TNIK: variants seen among roughly 807,000 people sequenced by gnomAD.
TNIK encodes the protein TRAF2 and NCK interacting kinase, also known as TRAF2 and NCK-interacting protein kinase.
In TNIK, 49 loss-of-function variants were observed where a neutral mutation model predicts 191.3. The observed-to-expected ratio is 0.26, with a 90% CI of 0.20 to 0.32. TNIK has a LOEUF of 0.32. Ranked by LOEUF, TNIK falls within the 10% of genes least tolerant of loss-of-function variation. The pLI, the probability that TNIK is intolerant of heterozygous loss-of-function variation, is 1.00. For synonymous variants in TNIK, 594 were observed against 600.9 expected (o/e 0.99, Z 0.17); for missense variants, 1,155 against 1,702.3 (o/e 0.68, Z 5.66).
chr3:171,059,204 C>T lies in TNIK; in HGVS notation c.*4677G>A, dbSNP rs1208977739. 2.6e-5 allele frequency among the ~76,000 whole-genome samples: 4 copies of T among 152,152 alleles called. No homozygotes were observed. The highest frequency in any genetic ancestry group is 2.6e-4 in the Admixed American group (4 of 15,284). On this transcript the variant is annotated 3_prime_UTR_variant, in exon 33 of 33. Transcript: ENST00000436636. ...ACTCAAAAATCTGTAAACTTTAGGA[C>T]ATTTTTATTTTTAACTGTATTTTCT...
Position 171,110,895 on chromosome 3 carries a change from C to T in TNIK, c.2121-18G>A, listed in dbSNP as rs1322682214. ...CAGGGTTGCTGTGTGAGTGACAGAG[C>T]ACACTGGTTACACTCTCCAGACCTT... is the stretch of plus-strand genomic sequence containing the variant. On this transcript the variant is annotated intron_variant, in intron 18 of 32. Coordinates refer to ENST00000436636, the MANE Select transcript of TNIK (RefSeq NM_015028.4). The T allele has an allele frequency of 5.7e-6, 9 of 1,587,908 alleles. No homozygotes were observed. The highest frequency in any genetic ancestry group is 6.0e-6 in the Non-Finnish European group (7 of 1,167,538).
chr3:171,082,146 G>A (rs1720774965), intron 27 of TNIK, 105 bp downstream of exon 27: 5 of 1,439,938 alleles, frequency 3.5e-6, no homozygotes, highest in Non-Finnish European at 4.7e-6. Flanking sequence ...ACTTTATTGT[G>A]TTGTTTGTTA....
At chr3:171,160,386 C>T (rs1481783887) in intron 11 of TNIK, among the ~76,000 whole-genome samples, 1 of 151,966 alleles carries the variant, frequency 6.6e-6, no homozygotes, top group Admixed American at 6.6e-5. Context: ...CTTTTCTGGT[C>T]AGAAAGCTCT....
At chr3:171,145,177 C>T (rs1026494525) in intron 12 of TNIK, among the ~76,000 whole-genome samples, 2 of 151,682 alleles carry the variant, frequency 1.3e-5, no homozygotes, top group East Asian at 1.9e-4. Context: ...AGCTCCACCT[C>T]CCGGGTTCAC....
chr3:171,295,269 AGAG>A (rs965670949), intron 2 of TNIK, among the ~76,000 whole-genome samples: 56 of 152,334 alleles, frequency 3.7e-4, no homozygotes, highest in African/African-American at 1.2e-3. Flanking sequence ...TCTTCAAAGC[AGAG>A]GAGAAGAAGG....
At chr3:171,183,656 C>T (rs980463070) in intron 7 of TNIK, among the ~76,000 whole-genome samples, 1 of 152,144 alleles carries the variant, frequency 6.6e-6, no homozygotes, top group Admixed American at 6.5e-5. Flanking sequence ...GGTCCAGTGG[C>T]TCACGCTTGT....
At chr3:171,209,079 G>GTGTGTGTGTA (rs1311309965) in intron 4 of TNIK, among the ~76,000 whole-genome samples, 1 of 150,380 alleles carries the variant, frequency 6.6e-6, no homozygotes, top group East Asian at 1.9e-4. Flanking sequence ...GTGTGTGTGT[G>GTGTGTGTGTA]TGTGTGTGTG....
rs1249559053 is a variant in TNIK at position 171,079,339 on chromosome 3, T to C, written c.3448+179A>G. Among the ~76,000 whole-genome samples, 6 of 152,252 alleles carry C rather than the reference T, an allele frequency of 3.9e-5. No individual in the cohort carries two copies. In the East Asian group the frequency reaches 1.2e-3, roughly 29 times the overall value. On this transcript the variant is annotated intron_variant, in intron 28 of 32. Transcript: ENST00000436636. ...GCCTAGGACTTTATTCTGAATGCAC[T>C]CTTTCAATTTCATCAATCTGGCTTT...
chr3:171,130,465 C>T (rs1409101271), intron 15 of TNIK, among the ~76,000 whole-genome samples: 2 of 152,132 alleles, frequency 1.3e-5, no homozygotes, highest in Non-Finnish European at 2.9e-5. Flanking sequence ...GGAATATAAA[C>T]CAGAACATGT....
chr3:171,147,450 AG>A, intron 12 of TNIK, among the ~76,000 whole-genome samples: 1 of 152,188 alleles, frequency 6.6e-6, no homozygotes, highest in African/African-American at 2.4e-5. Flanking sequence ...ACGTTGCTAA[AG>A]TTTTAGTTTT....
intron 1 of TNIK, among the ~76,000 whole-genome samples, chr3:171,396,898 T>C (rs1036672138): frequency 6.6e-6 from 1 of 152,138 alleles, no homozygotes; most frequent in African/African-American, 2.4e-5. Context: ...AGATGGAATA[T>C]AAAAATGGAC....
intron 1 of TNIK, among the ~76,000 whole-genome samples, chr3:171,421,754 T>C (rs1318552876): frequency 8.2e-6 from 1 of 122,302 alleles, no homozygotes; most frequent in African/African-American, 3.6e-5. Flanking sequence ...TTTTTTGAGA[T>C]GAAGTCTGGC....
chr3:171,132,372 A>G (rs928142691), intron 15 of TNIK, among the ~76,000 whole-genome samples: 4 of 152,206 alleles, frequency 2.6e-5, no homozygotes, highest in African/African-American at 9.6e-5. Context: ...AAAATGCTAT[A>G]CTATTTACTA....
chr3:171,193,498 G>GT (rs1279430556), intron 5 of TNIK, among the ~76,000 whole-genome samples: 1 of 152,094 alleles, frequency 6.6e-6, no homozygotes, highest in Non-Finnish European at 1.5e-5. Context: ...ATATTTTGTA[G>GT]TTTTCAGGAT....
In TNIK at chr3:171,424,826, A is replaced by T. The variant is rs190127192; in HGVS notation, c.57+35181T>A. ...GGAAGGGGAACATCACACACTGGGG[A>T]CTGTTGTGGGGTGGGGGGAGGGGGG... is the stretch of plus-strand genomic sequence containing the variant. On this transcript the variant is annotated intron_variant, in intron 1 of 32. Transcript: ENST00000436636. Among the ~76,000 whole-genome samples the T allele has an allele frequency of 7.2e-5, 8 of 111,086 alleles. No homozygotes were observed. The East Asian group carries it at 2.2e-3, about 31-fold the overall frequency. The allele number at this position is 111,086 out of a possible 152,430, so 72.9% of individuals were successfully genotyped here. A position where few individuals can be genotyped will look rare whatever the true frequency, so the allele number is the denominator to read the frequency against.
chr3:171,428,052 T>A (rs1283866348), intron 1 of TNIK, among the ~76,000 whole-genome samples: 1 of 152,080 alleles, frequency 6.6e-6, no homozygotes, highest in East Asian at 1.9e-4. Flanking sequence ...CTGCAAGGAA[T>A]TCAATACTTA....
chr3:171,104,259 T>C (rs1724258028), intron 21 of TNIK, among the ~76,000 whole-genome samples: 1 of 152,106 alleles, frequency 6.6e-6, no homozygotes, highest in Non-Finnish European at 1.5e-5. Context: ...AAATTTATAA[T>C]AGCAAAGTTA....
intron 32 of TNIK, among the ~76,000 whole-genome samples, chr3:171,065,890 A>G (rs553058703): frequency 2.6e-5 from 4 of 152,334 alleles, no homozygotes; most frequent in African/African-American, 9.6e-5. Context: ...TGATGGGCCA[A>G]CTGCTCTAAG....
chr3:171,094,110 G>T, intron 22 of TNIK, 142 bp from the exon 23 acceptor site: 1 of 1,116,210 alleles, frequency 9.0e-7, no homozygotes, highest in Non-Finnish European at 1.2e-6. Context: ...AAGTGTACAT[G>T]TCAGTGGTCT....
Sources: gnomAD v4.1 joint callset for allele counts (sites outside exome capture counted in the v4.1 genomes callset) on GRCh38, gnomAD v4.1.1 for gene constraint, MANE v1.5 for transcripts, NCBI Gene and HGNC (gene_info 2026-07-23, HGNC 2026-07-21) for gene names.